The following NAT10 variants were observed in gnomAD, a reference collection of about 807,000 sequenced individuals.
NAT10 encodes RNA cytidine acetyltransferase.
In NAT10, 109 loss-of-function variants were observed where a neutral mutation model predicts 132.2. The observed-to-expected ratio is 0.82, with a 90% CI of 0.71 to 0.97. The LOEUF (loss-of-function observed/expected upper bound fraction) is 0.97. Among genes scored for constraint, NAT10 ranks in the 50% least tolerant of loss-of-function variants. The probability of loss-of-function intolerance (pLI) is 0.00; values close to 1 mark genes in which losing one functional copy is unlikely to be tolerated. For missense variants in NAT10, 1,184 were observed against 1,263.4 expected (o/e 0.94, Z 0.95); for synonymous variants, 479 against 478.0 (o/e 1.00, Z -0.03).
Position 34,120,825 on chromosome 11 carries a change from G to T in NAT10, c.781-1634G>T, listed in dbSNP as rs144751617. Among the ~76,000 whole-genome samples, 653 of 152,346 alleles carry T rather than the reference G, an allele frequency of 4.3e-3. 6 individuals carry two copies. The highest frequency in any genetic ancestry group is 0.015 in the African/African-American group (614 of 41,578). On this transcript the variant is annotated intron_variant, in intron 8 of 28. Coordinates refer to ENST00000257829, the MANE Select transcript of NAT10 (RefSeq NM_024662.3). ...AGAGGGATAGGGCATGCCAGATGAG[G>T]GTGGGGCGCTGTGGTTCTACATACA...
intron 10 of NAT10, 102 bp downstream of exon 10, chr11:34,123,957 G>C (rs1273099545): frequency 1.1e-6 from 1 of 873,556 alleles, no homozygotes; most frequent in Admixed American, 2.0e-5. Flanking sequence ...ATCACCTGAG[G>C]TCGGGAGTTG....
intron 11 of NAT10, among the ~76,000 whole-genome samples, chr11:34,125,294 A>G (rs192398785): frequency 3.4e-4 from 52 of 152,312 alleles, no homozygotes; most frequent in East Asian, 1.9e-4. Flanking sequence ...GCTGCAGGCA[A>G]TGAGAACACG....
At chr11:34,140,254 G>T in intron 23 of NAT10, 146 bp from the exon 24 acceptor site, 1 of 735,414 alleles carries the variant, frequency 1.4e-6, no homozygotes, top group Non-Finnish European at 2.2e-6. Flanking sequence ...GAGCAGGTTT[G>T]GTGCCCCTCT....
At chr11:34,141,263 C>T in intron 25 of NAT10, 55 bp downstream of exon 25, 14 of 1,608,310 alleles carry the variant, frequency 8.7e-6, no homozygotes, top group Non-Finnish European at 1.2e-5. Flanking sequence ...GCAACAAACC[C>T]ACTCCCTGCT....
At chr11:34,118,585 C>G (rs1029818975) in intron 8 of NAT10, 82 bp downstream of exon 8, 4 of 1,126,700 alleles carry the variant, frequency 3.6e-6, no homozygotes, top group Admixed American at 4.8e-5. Flanking sequence ...GGTACGTTGA[C>G]TCAAGACCCA....
chr11:34,120,604 G>T (rs992132540), intron 8 of NAT10, among the ~76,000 whole-genome samples: 1 of 152,212 alleles, frequency 6.6e-6, no homozygotes, highest in Non-Finnish European at 1.5e-5. Flanking sequence ...CTGTCCTTCA[G>T]TGTCACTGGC....
chr11:34,144,683 G>A (rs1278189536), intron 28 of NAT10, among the ~76,000 whole-genome samples: 2 of 152,150 alleles, frequency 1.3e-5, no homozygotes, highest in Admixed American at 1.3e-4. Context: ...CTTCTTATCT[G>A]CAGAGTGGTG....
intron 11 of NAT10, 144 bp downstream of exon 11, chr11:34,124,544 T>C (rs1188774524): frequency 2.0e-6 from 1 of 488,942 alleles, no homozygotes; most frequent in East Asian, 3.3e-5. Flanking sequence ...GCTAAACCTG[T>C]TCCAGATTTT....
chr11:34,123,118 T>TAA (rs890500233), intron 9 of NAT10, among the ~76,000 whole-genome samples: 13 of 152,232 alleles, frequency 8.5e-5, no homozygotes, highest in Non-Finnish European at 1.8e-4. Flanking sequence ...ACCTAGAACT[T>TAA]ACTGTGTTTG....
chr11:34,141,321 T>TCTCA (rs1852324295), intron 25 of NAT10, 113 bp downstream of exon 25: 1 of 1,062,280 alleles, frequency 9.4e-7, no homozygotes, highest in African/African-American at 1.7e-5. Flanking sequence ...CTGCATCTCG[T>TCTCA]CACACACACA....
chr11:34,112,198 A>G lies in NAT10; in HGVS notation c.347A>G (p.Asn116Ser). 6.2e-7 allele frequency: 1 copy of G among 1,614,228 alleles called. No homozygotes were observed. The highest frequency in any genetic ancestry group is 8.5e-7 in the Non-Finnish European group (1 of 1,180,036). ...YYNETHKILG[N>S]TFGMCVLQDF... is the part of the protein sequence containing the mutation. ...AACGAGACCCACAAGATCCTGGGCA[A>G]TACCTTCGGCATGTGTGTGCTGCAG... Residue 116 changes from asparagine to serine, a missense_variant, in exon 4 of 29, where the codon AAT becomes AGT. Physicochemically the swap from Asn to Ser is conservative, Grantham distance 46 (BLOSUM62 1). Coordinates refer to ENST00000257829, the MANE Select transcript of NAT10 (RefSeq NM_024662.3).
chr11:34,120,119 T>C (rs1447909390), intron 8 of NAT10, among the ~76,000 whole-genome samples: 1 of 117,476 alleles, frequency 8.5e-6, no homozygotes, highest in Non-Finnish European at 1.8e-5. Flanking sequence ...ATCTGTTGTT[T>C]TGTTGTTGTT....
At chr11:34,134,180 T>A in intron 16 of NAT10, 139 bp from the exon 17 acceptor site, 1 of 700,322 alleles carries the variant, frequency 1.4e-6, no homozygotes, top group South Asian at 1.7e-5. Context: ...GCGGGGGGAA[T>A]GGATGTGTCA....
chr11:34,105,837 CTG>C (rs1851585287), intron 1 of NAT10, 45 bp downstream of exon 1: 1 of 152,348 alleles, frequency 6.6e-6, no homozygotes, highest in Non-Finnish European at 1.5e-5. Context: ...AGATCGGTGT[CTG>C]TGTTCTTCCT....
Position 34,146,167 on chromosome 11 carries a change from A to G in NAT10, c.3053A>G (p.Asp1018Gly), listed in dbSNP as rs118028707. ...AACAGAGAGACAAAGAACAAAAAAG[A>G]TATGAAACTGAAGCGGAAGAAATAG... ...LKNRETKNKK[D>G]MKLKRKK Residue 1018 changes from aspartate (D) to glycine (G), a missense_variant, in exon 29 of 29, where the codon GAT becomes GGT. Asp to Gly is a moderately conservative substitution (Grantham distance 94). Coordinates refer to ENST00000257829, the MANE Select transcript of NAT10 (RefSeq NM_024662.3). 2 of 1,608,046 alleles carry G rather than the reference A, an allele frequency of 1.2e-6. No homozygotes were observed. Among genetic ancestry groups the G allele is most frequent in the East Asian group, 4.5e-5 (2 of 44,864 alleles).
Position 34,108,250 on chromosome 11 carries a change from C to A in NAT10, c.25C>A (p.Arg9=). 1 of 1,614,004 alleles carries A rather than the reference C, an allele frequency of 6.2e-7. No homozygotes were observed. Among genetic ancestry groups the A allele is most frequent in the Non-Finnish European group, 8.5e-7 (1 of 1,179,946 alleles). Residue 9 remains arginine, a synonymous_variant, in exon 2 of 29, where the codon CGA becomes AGA. Coordinates refer to ENST00000257829, the MANE Select transcript of NAT10 (RefSeq NM_024662.3). ...CATGCATCGGAAAAAGGTGGATAAC[C>A]GAATCCGGATTCTCATTGAGAATGG... MHRKKVDN[R]IRILIENGVA... is the part of the protein sequence containing the mutation.
intron 27 of NAT10, among the ~76,000 whole-genome samples, chr11:34,142,853 G>A (rs1368485991): frequency 6.6e-6 from 1 of 152,186 alleles, no homozygotes; most frequent in Non-Finnish European, 1.5e-5. Flanking sequence ...AGAATTCATG[G>A]CCTCTGAGCC....
chr11:34,122,432 T>G (rs376882338), intron 8 of NAT10, 27 bp from the exon 9 acceptor site: 14 of 1,613,400 alleles, frequency 8.7e-6, no homozygotes, highest in Admixed American at 1.7e-5. Flanking sequence ...TTCTTGGAGT[T>G]CACCTAATAT....
intron 9 of NAT10, 112 bp from the exon 10 acceptor site, chr11:34,123,650 C>A: frequency 1.3e-6 from 1 of 743,842 alleles, no homozygotes. Flanking sequence ...CTTGCTGTTA[C>A]CTCTGGTTAT....
Sources: gnomAD v4.1 joint callset for allele counts (sites outside exome capture counted in the v4.1 genomes callset) on GRCh38, gnomAD v4.1.1 for gene constraint, MANE v1.5 for transcripts, NCBI Gene and HGNC (gene_info 2026-07-23, HGNC 2026-07-21) for gene names.